CTNNA3: variants seen among roughly 807,000 people sequenced by gnomAD.
CTNNA3 encodes catenin alpha-3.
Under a neutral mutation model 95.7 loss-of-function variants are expected in CTNNA3, and 76 were observed. That is an observed-to-expected ratio of 0.79 (90% CI 0.66 to 0.96). The LOEUF is 0.96. CTNNA3 is among the 40% of genes least tolerant of loss of function. CTNNA3 has a pLI of 0.00. For synonymous variants in CTNNA3, 431 were observed against 374.4 expected (o/e 1.15, Z -1.74); for missense variants, 1,191 against 1,089.8 (o/e 1.09, Z -1.31).
Position 66,029,740 on chromosome 10 carries a change from T to G in CTNNA3, c.2159+39568A>C, listed in dbSNP as rs986826921. Among the ~76,000 whole-genome samples the G allele has an allele frequency of 3.3e-5, 5 of 152,308 alleles. No individual in the cohort carries two copies. In the East Asian group the frequency reaches 9.6e-4, roughly 29 times the overall value. ...TTTGTAGTTTTCACTCATTATTTTA[T>G]TCCATGAGCTTGGAACAGTGCCTGA... is the stretch of plus-strand genomic sequence containing the variant. On this transcript the variant is annotated intron_variant, in intron 15 of 17. Transcript: ENST00000433211.
chr10:66,001,904 G>A (rs1394447306), intron 15 of CTNNA3, among the ~76,000 whole-genome samples: 1 of 151,948 alleles, frequency 6.6e-6, no homozygotes, highest in Non-Finnish European at 1.5e-5. Context: ...TTCTTTTAGT[G>A]AGAAAAAAGG....
intron 9 of CTNNA3, among the ~76,000 whole-genome samples, chr10:66,643,408 C>T (rs1258631376): frequency 6.6e-6 from 1 of 152,104 alleles, no homozygotes; most frequent in Non-Finnish European, 1.5e-5. Flanking sequence ...AAAATCTACT[C>T]CCTGTCAACA....
intron 5 of CTNNA3, among the ~76,000 whole-genome samples, chr10:67,306,833 C>G (rs866355625): frequency 1.3e-5 from 2 of 152,030 alleles, no homozygotes; most frequent in Non-Finnish European, 2.9e-5. Flanking sequence ...TTCTAGATCC[C>G]ATCCATCCAA....
At chr10:66,504,887 A>C (rs1014300833) in intron 11 of CTNNA3, among the ~76,000 whole-genome samples, 1 of 152,214 alleles carries the variant, frequency 6.6e-6, no homozygotes, top group Non-Finnish European at 1.5e-5. Flanking sequence ...GTTTATAAAC[A>C]GTATATTTTA....
At chr10:67,441,251 C>T (rs1846500101) in intron 5 of CTNNA3, among the ~76,000 whole-genome samples, 1 of 144,746 alleles carries the variant, frequency 6.9e-6, no homozygotes, top group East Asian at 2.1e-4. Flanking sequence ...AGAAAATATA[C>T]AGTGAGAGAA....
At chr10:65,984,730 A>T (rs1180086165) in intron 16 of CTNNA3, among the ~76,000 whole-genome samples, 1 of 151,428 alleles carries the variant, frequency 6.6e-6, no homozygotes, top group South Asian at 2.1e-4. Context: ...AACTTTGAAA[A>T]CTGGGTGTTT....
chr10:66,284,086 T>C (rs2091541459), intron 12 of CTNNA3, among the ~76,000 whole-genome samples: 1 of 151,608 alleles, frequency 6.6e-6, no homozygotes, highest in South Asian at 2.1e-4. Flanking sequence ...TGTAGATTTA[T>C]CAAACAAAGG....
intron 7 of CTNNA3, among the ~76,000 whole-genome samples, chr10:66,841,880 T>C (rs1433557673): frequency 1.3e-5 from 2 of 152,154 alleles, no homozygotes; most frequent in Non-Finnish European, 2.9e-5. Context: ...AAATGATTTA[T>C]GAGGGTCAAA....
At chr10:67,511,430 T>A (rs1012754954) in intron 5 of CTNNA3, among the ~76,000 whole-genome samples, 3 of 152,216 alleles carry the variant, frequency 2.0e-5, no homozygotes, top group Non-Finnish European at 4.4e-5. Flanking sequence ...GTTGAAGGCC[T>A]TTTCTGCATC....
chr10:66,564,111 G>A (rs1312865700), intron 10 of CTNNA3, among the ~76,000 whole-genome samples: 1 of 152,054 alleles, frequency 6.6e-6, no homozygotes, highest in Non-Finnish European at 1.5e-5. Flanking sequence ...GAGACCTGTC[G>A]CAGATATTTT....
intron 13 of CTNNA3, among the ~76,000 whole-genome samples, chr10:66,130,552 T>A (rs1353765437): frequency 6.6e-6 from 1 of 150,698 alleles, no homozygotes; most frequent in East Asian, 2.0e-4. Context: ...TCCATAGAAA[T>A]ACAAAGAATC....
intron 7 of CTNNA3, among the ~76,000 whole-genome samples, chr10:67,168,420 A>G (rs904375471): frequency 2.0e-5 from 3 of 152,168 alleles, no homozygotes; most frequent in Admixed American, 6.5e-5. Context: ...CAGCACATCA[A>G]AAAGATAATC....
intron 1 of CTNNA3, among the ~76,000 whole-genome samples, chr10:67,762,976 G>C (rs1326297160): frequency 6.6e-6 from 1 of 152,054 alleles, no homozygotes; most frequent in Non-Finnish European, 1.5e-5. Flanking sequence ...TTGCTTACTC[G>C]GGGAGCTCGG....
intron 5 of CTNNA3, among the ~76,000 whole-genome samples, chr10:67,394,771 C>T (rs1326201228): frequency 6.6e-6 from 1 of 152,050 alleles, no homozygotes; most frequent in African/African-American, 2.4e-5. Context: ...ATCCCCTGGG[C>T]CAATGTATTT....
At chr10:66,232,863 AC>A (rs1335429040) in intron 13 of CTNNA3, among the ~76,000 whole-genome samples, 6 of 152,126 alleles carry the variant, frequency 3.9e-5, no homozygotes, top group Non-Finnish European at 1.5e-5. Flanking sequence ...ACATCTGTCA[AC>A]AATCAATTTC....
intron 15 of CTNNA3, among the ~76,000 whole-genome samples, chr10:65,996,042 T>A (rs886091949): frequency 6.6e-6 from 1 of 152,138 alleles, no homozygotes; most frequent in African/African-American, 2.4e-5. Context: ...GGAGAATCCA[T>A]CCTCAAGGCA....
At chr10:67,648,707 A>C in intron 1 of CTNNA3, 13 of 1,283,668 alleles carry the variant, frequency 1.0e-5, no homozygotes, top group Non-Finnish European at 1.2e-5. Flanking sequence ...TCAACATATA[A>C]AGTCAAAGCC....
intron 4 of CTNNA3, among the ~76,000 whole-genome samples, chr10:67,538,157 T>TAAAAAAAAAAAAAAAAAAAAAAAAA (rs1176919938): frequency 3.4e-5 from 2 of 59,176 alleles, no homozygotes; most frequent in African/African-American, 1.5e-4. Flanking sequence ...CTACTTAAAC[T>TAAAAAAAAAAAAAAAAAAAAAAAAA]AAAAAAAAAA....
intron 7 of CTNNA3, among the ~76,000 whole-genome samples, chr10:66,823,566 A>C (rs1342957454): frequency 2.6e-5 from 4 of 152,288 alleles, no homozygotes; most frequent in African/African-American, 9.6e-5. Flanking sequence ...CAGTGAGGAG[A>C]GTCGGAAACA....
Sources: gnomAD v4.1 joint callset for allele counts (sites outside exome capture counted in the v4.1 genomes callset) on GRCh38, gnomAD v4.1.1 for gene constraint, MANE v1.5 for transcripts, NCBI Gene and HGNC (gene_info 2026-07-23, HGNC 2026-07-21) for gene names.